COL25A1: variants seen among roughly 807,000 people sequenced by gnomAD.
The protein encoded by COL25A1 is collagen alpha-1(XXV) chain.
Under a neutral mutation model 128.4 loss-of-function variants are expected in COL25A1, and 103 were observed. That is an observed-to-expected ratio of 0.80 (90% CI 0.68 to 0.94). The LOEUF (loss-of-function observed/expected upper bound fraction) is 0.94. Ranked by LOEUF, COL25A1 falls within the 40% of genes least tolerant of loss-of-function variation. COL25A1 has a pLI of 0.00. For synonymous variants in COL25A1, 279 were observed against 277.2 expected (o/e 1.01, Z -0.06); for missense variants, 745 against 840.0 (o/e 0.89, Z 1.40).
At chr4:109,177,026 C>A (rs555770715) in intron 3 of COL25A1, among the ~76,000 whole-genome samples, 2 of 152,306 alleles carry the variant, frequency 1.3e-5, no homozygotes, top group South Asian at 4.1e-4. Flanking sequence ...TAATTTGTTA[C>A]AGAAGCCCTA....
At chr4:109,043,912 T>C (rs1374421499) in intron 5 of COL25A1, among the ~76,000 whole-genome samples, 2 of 152,144 alleles carry the variant, frequency 1.3e-5, no homozygotes, top group Non-Finnish European at 2.9e-5. Flanking sequence ...AGTTGTGATA[T>C]CTGAGCTTGA....
At chr4:108,968,934 C>T (rs78099030) in intron 8 of COL25A1, among the ~76,000 whole-genome samples, 4,040 of 152,238 alleles carry the variant, frequency 0.027, 126 homozygotes, top group African/African-American at 0.074. Context: ...CTACATCCAA[C>T]TGGCTTCAAG....
chr4:108,998,290 T>A (rs943631897), intron 6 of COL25A1, among the ~76,000 whole-genome samples: 7 of 152,138 alleles, frequency 4.6e-5, no homozygotes, highest in African/African-American at 1.7e-4. Context: ...GGATACAAAA[T>A]CAATGTGCAA....
intron 3 of COL25A1, among the ~76,000 whole-genome samples, chr4:109,109,044 AT>A (rs1489266248): frequency 6.6e-6 from 1 of 152,174 alleles, no homozygotes; most frequent in East Asian, 1.9e-4. Flanking sequence ...AAACTGGCAA[AT>A]AATTGTTCCT....
rs973238592 is a variant in COL25A1, at chr4:108,809,948, C to A, written c.*3979G>T. ...CTTAACTTCCAAGAGATAGCAGGAG[C>A]TCTTGTTTTTACAAATTAGAAAATC... is the stretch of plus-strand genomic sequence containing the variant. On this transcript the variant is annotated 3_prime_UTR_variant, in exon 38 of 38. Coordinates refer to ENST00000399132, the MANE Select transcript of COL25A1 (RefSeq NM_198721.4). 8 of 147,072 alleles carry A rather than the reference C, an allele frequency of 5.4e-5. No homozygotes were observed. The highest frequency in any genetic ancestry group is 2.3e-4 in the South Asian group (1 of 4,390). 9.1% of individuals were successfully genotyped at this position (147,072 alleles called of 1,614,324 possible).
At chr4:108,903,060 T>A (rs1289739630) in intron 13 of COL25A1, among the ~76,000 whole-genome samples, 14 of 151,770 alleles carry the variant, frequency 9.2e-5, no homozygotes, top group East Asian at 3.9e-4. Flanking sequence ...CCAGAGTTTT[T>A]TAAAAAATAA....
intron 6 of COL25A1, 44 bp from the exon 7 acceptor site, chr4:108,974,603 A>G: frequency 1.4e-6 from 2 of 1,469,012 alleles, no homozygotes; most frequent in African/African-American, 1.4e-5. Context: ...AAAAAAAGAT[A>G]TTGTAAACTG....
chr4:108,916,708 A>G (rs966777434), intron 13 of COL25A1, among the ~76,000 whole-genome samples: 5 of 152,186 alleles, frequency 3.3e-5, no homozygotes, highest in Admixed American at 6.5e-5. Context: ...ATTTTTGCTT[A>G]GGTTTCCCTC....
At chr4:108,848,922 C>T in intron 26 of COL25A1, 119 bp from the exon 27 acceptor site, 1 of 719,168 alleles carries the variant, frequency 1.4e-6, no homozygotes, top group Non-Finnish European at 2.5e-6. Flanking sequence ...TGCATCATAA[C>T]CCGAGAATAT....
At chr4:108,972,108 A>G (rs1751973544) in intron 8 of COL25A1, among the ~76,000 whole-genome samples, 1 of 152,216 alleles carries the variant, frequency 6.6e-6, no homozygotes, top group Admixed American at 6.5e-5. Context: ...AAAATGATAT[A>G]GGTCTCATGA....
At chr4:108,872,880 ACTT>A (rs924290832) in intron 19 of COL25A1, among the ~76,000 whole-genome samples, 7 of 151,798 alleles carry the variant, frequency 4.6e-5, no homozygotes, top group Admixed American at 2.6e-4. Flanking sequence ...TTCAGTTTTA[ACTT>A]CTTTTTTTTT....
chr4:109,227,086 A>G (rs1179128899), intron 3 of COL25A1, among the ~76,000 whole-genome samples: 1 of 152,192 alleles, frequency 6.6e-6, no homozygotes, highest in Admixed American at 6.5e-5. Flanking sequence ...TCACCACTAC[A>G]TATGTAGTAA....
chr4:108,837,590 C>T (rs1365390576), intron 31 of COL25A1, among the ~76,000 whole-genome samples: 1 of 152,076 alleles, frequency 6.6e-6, no homozygotes, highest in African/African-American at 2.4e-5. Flanking sequence ...TCAAAACAAA[C>T]AACATAAAAC....
chr4:108,897,692 G>A (rs1211186882), intron 15 of COL25A1, among the ~76,000 whole-genome samples: 1 of 152,170 alleles, frequency 6.6e-6, no homozygotes, highest in East Asian at 1.9e-4. Flanking sequence ...TATTCCATAG[G>A]CTGGAATGCA....
chr4:109,002,729 T>G (rs1755567573), intron 6 of COL25A1, among the ~76,000 whole-genome samples: 1 of 152,190 alleles, frequency 6.6e-6, no homozygotes, highest in Non-Finnish European at 1.5e-5. Flanking sequence ...AGTCTTTATT[T>G]GTCTACTAAG....
intron 33 of COL25A1, among the ~76,000 whole-genome samples, chr4:108,826,215 C>T (rs1732360782): frequency 6.6e-6 from 1 of 151,984 alleles, no homozygotes; most frequent in Admixed American, 6.6e-5. Flanking sequence ...TAAAGCAAAC[C>T]AGAGGTCTCA....
chr4:108,912,984 T>A (rs1744413569), intron 13 of COL25A1, among the ~76,000 whole-genome samples: 1 of 152,100 alleles, frequency 6.6e-6, no homozygotes, highest in Admixed American at 6.6e-5. Context: ...TAATATCAAT[T>A]TTTAAATTTA....
intron 3 of COL25A1, among the ~76,000 whole-genome samples, chr4:109,129,004 C>T (rs1247082397): frequency 2.6e-5 from 4 of 152,150 alleles, no homozygotes; most frequent in African/African-American, 4.8e-5. Flanking sequence ...TCTGATTCAA[C>T]GTGTCTAAGG....
At chr4:109,253,896 G>A (rs1448412352) in intron 3 of COL25A1, among the ~76,000 whole-genome samples, 12 of 152,036 alleles carry the variant, frequency 7.9e-5, no homozygotes, top group Non-Finnish European at 1.6e-4. Context: ...GACCATCCTG[G>A]CTAACACGGT....
Sources: allele counts gnomAD v4.1 joint callset (sites outside exome capture counted in the v4.1 genomes callset), GRCh38; gene constraint gnomAD v4.1.1; transcripts MANE v1.5; gene names NCBI Gene and HGNC (gene_info 2026-07-23, HGNC 2026-07-21).